The following WDR11 variants were observed in gnomAD, a reference collection of about 807,000 sequenced individuals.
The protein encoded by WDR11 is WD repeat-containing protein 11.
In WDR11, 83 loss-of-function variants were observed where a neutral mutation model predicts 151.2. The observed-to-expected ratio is 0.55, with a 90% CI of 0.46 to 0.66. The LOEUF (loss-of-function observed/expected upper bound fraction) is 0.66, where lower values mean the gene tolerates loss of function less well. Among genes scored for constraint, WDR11 ranks in the 30% least tolerant of loss-of-function variants. The probability of loss-of-function intolerance (pLI) is 0.00; values close to 1 mark genes in which losing one functional copy is unlikely to be tolerated. For missense variants in WDR11, 1,301 were observed against 1,480.9 expected (o/e 0.88, Z 1.99); for synonymous variants, 484 against 533.1 (o/e 0.91, Z 1.27).
intron 9 of WDR11, among the ~76,000 whole-genome samples, chr10:120,869,303 CGG>C (rs1349368762): frequency 2.0e-5 from 3 of 151,480 alleles, no homozygotes; most frequent in Non-Finnish European, 4.4e-5. Flanking sequence ...TTAGTAGAGA[CGG>C]GGTTTCACTG....
In WDR11 at chr10:120,909,000, ATTT is replaced by A. The variant is rs1848185073; in HGVS notation, c.*292_*294del. 2 of 387,234 alleles carry A rather than the reference ATTT, an allele frequency of 5.2e-6. No individual in the cohort carries two copies. The highest frequency in any genetic ancestry group is 9.5e-6 in the Non-Finnish European group (2 of 211,560). 24.0% of individuals were successfully genotyped at this position (387,234 alleles called of 1,614,324 possible). A position where few individuals can be genotyped will look rare whatever the true frequency, so the allele number is the denominator to read the frequency against. On this transcript the variant is annotated 3_prime_UTR_variant, in exon 29 of 29. Transcript: ENST00000263461. Reference sequence around the variant, plus strand: ...TAAGAGTCCCTGGAAATACTTTTTAATTTTTTTAACTTAAAATTCAAGAGACTG... The same window carrying A: ...TAAGAGTCCCTGGAAATACTTTTTAATTTTAACTTAAAATTCAAGAGACTG...
rs1220520075 is a variant in WDR11, at chr10:120,871,220, G to A, written c.1345G>A (p.Glu449Lys). Residue 449 changes from glutamate to lysine, a missense_variant, in exon 10 of 29, where the codon GAA becomes AAA. By Grantham distance (56) the Glu-to-Lys change is moderately conservative. Transcript: ENST00000263461. ...EEHPRGSILR[E>K]VHLKFLLTGL... is the part of the protein sequence containing the mutation. ...ACATCCCAGAGGTTCAATTCTGCGG[G>A]AAGTGCACCTCAAGTTCCTGCTGAC... is the stretch of plus-strand genomic sequence containing the variant. 4 of 1,614,008 alleles carry A rather than the reference G, an allele frequency of 2.5e-6. No individual in the cohort carries two copies. The highest frequency in any genetic ancestry group is 3.4e-6 in the Non-Finnish European group (4 of 1,180,026).
chr10:120,860,410 C>A, intron 4 of WDR11, 128 bp downstream of exon 4: 2 of 1,063,614 alleles, frequency 1.9e-6, no homozygotes, highest in Non-Finnish European at 2.8e-6. Flanking sequence ...AGTGGAGAAG[C>A]ATGTCTAGTC....
intron 11 of WDR11, among the ~76,000 whole-genome samples, chr10:120,875,617 G>A (rs1031785806): frequency 6.6e-6 from 1 of 152,106 alleles, no homozygotes; most frequent in Non-Finnish European, 1.5e-5. Flanking sequence ...TGATTCTTAT[G>A]CCTCAGCCTC....
At chr10:120,880,450 A>T in intron 12 of WDR11, 1 of 219,556 alleles carries the variant, frequency 4.6e-6, no homozygotes, top group Non-Finnish European at 9.2e-6. Flanking sequence ...ACTAGAGGTT[A>T]GGAGATCGAG....
rs1198498298 is a variant in WDR11 at position 120,893,191 on chromosome 10, T to A, written c.2515+2304T>A. Among the ~76,000 whole-genome samples the A allele has an allele frequency of 3.2e-5, 4 of 125,452 alleles. No homozygotes were observed. In the Admixed American group the frequency reaches 3.8e-4, roughly 12 times the overall value. The allele number at this position is 125,452 out of a possible 152,430, so 82.3% of individuals were successfully genotyped here. ...CCCTCCACCCCACAACAGTCCCAGG[T>A]GTGTGATGTTCCCCTTCCTGTGTCC... On this transcript the variant is annotated intron_variant, in intron 19 of 28. Transcript: ENST00000263461.
At chr10:120,908,470 C>T (rs1410434761) in intron 28 of WDR11, 86 bp from the exon 29 acceptor site, 10 of 1,433,768 alleles carry the variant, frequency 7.0e-6, no homozygotes, top group South Asian at 4.6e-5. Flanking sequence ...GCAGAGCAGA[C>T]GCGACTCACC....
chr10:120,903,437 G>A (rs1459813236), intron 23 of WDR11, among the ~76,000 whole-genome samples: 1 of 151,710 alleles, frequency 6.6e-6, no homozygotes, highest in African/African-American at 2.4e-5. Context: ...TTGAACCCAG[G>A]AGGCGGAGGT....
chr10:120,872,583 AG>A (rs1232703447), intron 10 of WDR11, among the ~76,000 whole-genome samples: 4 of 137,618 alleles, frequency 2.9e-5, no homozygotes, highest in Non-Finnish European at 6.5e-5. Context: ...AGTACCTAAA[AG>A]TTTGTCTAGA....
At chr10:120,903,392 C>T (rs1847904574) in intron 23 of WDR11, among the ~76,000 whole-genome samples, 160 bp downstream of exon 23, 1 of 151,920 alleles carries the variant, frequency 6.6e-6, no homozygotes, top group Non-Finnish European at 1.5e-5. Flanking sequence ...TGCCTGTAGT[C>T]CCAGCTACTC....
intron 20 of WDR11, among the ~76,000 whole-genome samples, chr10:120,900,691 A>T (rs1289877097): frequency 1.3e-5 from 2 of 152,188 alleles, no homozygotes; most frequent in African/African-American, 4.8e-5. Context: ...CATTCTGCAG[A>T]GCTCTAAATG....
intron 4 of WDR11, among the ~76,000 whole-genome samples, chr10:120,860,673 T>A (rs1266330079): frequency 1.3e-5 from 2 of 152,228 alleles, no homozygotes; most frequent in African/African-American, 4.8e-5. Context: ...TAAATTGTCC[T>A]AATTCACGCC....
At position 120,905,990 on chromosome 10, in the gene WDR11, T is replaced by C; in HGVS notation, c.3406T>C (p.Cys1136Arg). 6.2e-7 allele frequency: 1 copy of C among 1,614,094 alleles called. No individual in the cohort carries two copies. The highest frequency in any genetic ancestry group is 8.5e-7 in the Non-Finnish European group (1 of 1,180,040). ...TCTCCTGGTTCTCCTCTCTCTGGGC[T>C]GCTTTTTTAGCGTGGCAGAGACGCT... ...KALLVLLSLGCFFSVAETLHS... is the reference protein window; with the variant it reads ...KALLVLLSLGRFFSVAETLHS... The change falls in exon 27 of 29, where the codon TGC (cysteine) becomes CGC (arginine). Residue 1136 changes from cysteine to arginine, a missense_variant. This residue lies in a region of WDR11 where 589 missense variants were observed against 670.6 expected (regional missense o/e 0.88). Transcript: ENST00000263461.
chr10:120,854,795 T>C (rs887782052), intron 2 of WDR11, among the ~76,000 whole-genome samples: 2 of 152,228 alleles, frequency 1.3e-5, no homozygotes, highest in Admixed American at 1.3e-4. Flanking sequence ...TATATCTTCT[T>C]TGGAGAAATG....
At chr10:120,879,631 C>T (rs1230252062) in intron 12 of WDR11, 1 of 152,144 alleles carries the variant, frequency 6.6e-6, no homozygotes, top group Non-Finnish European at 1.5e-5. Context: ...TTACAGATTT[C>T]CTTAAGTGGG....
rs143689717 is a variant in WDR11 at position 120,905,387 on chromosome 10, G to T, written c.3262G>T (p.Glu1088Ter). 1 of 1,614,158 alleles carries T rather than the reference G, an allele frequency of 6.2e-7. No individual in the cohort carries two copies. The highest frequency in any genetic ancestry group is 1.7e-5 in the Admixed American group (1 of 60,008). Residue 1088 changes from glutamate (E) to a stop codon, truncating the protein, a stop_gained, in exon 26 of 29, where the codon GAG becomes TAG. Transcript: ENST00000263461. LOFTEE classifies it high-confidence loss of function. The stretch of plus-strand genomic sequence containing the variant: ...CTGCCGCTACCTGCAGACATACGGC[G>T]AGTGGAATCGGGCTGCATGGCTGGC... ...DACRYLQTYG[E>*]WNRAAWLAKV... is the part of the protein sequence containing the mutation.
Position 120,885,927 on chromosome 10 carries a change from A to T in WDR11, c.1962A>T (p.Ser654=), listed in dbSNP as rs748641070. The change falls in exon 15 of 29, where the codon TCA becomes TCT. Residue 654 remains serine (S), a synonymous_variant. Transcript: ENST00000263461. ...ACACAGAGCTGAGTATTGTTGAATC[A>T]TCTGTGATCAGGTACAGTACAGTGT... is the stretch of plus-strand genomic sequence containing the variant. The part of the protein sequence containing the change: ...VSDTELSIVE[S]SVISLLQEAE... The T allele has an allele frequency of 6.2e-7, 1 of 1,613,572 alleles. No individual in the cohort carries two copies. The highest frequency in any genetic ancestry group is 1.1e-5 in the South Asian group (1 of 91,060).
At chr10:120,855,151 C>T (rs1845904027) in intron 2 of WDR11, among the ~76,000 whole-genome samples, 1 of 152,112 alleles carries the variant, frequency 6.6e-6, no homozygotes, top group African/African-American at 2.4e-5. Context: ...AGCATTACTA[C>T]TCTTGCACTT....
rs5788450 is a variant in WDR11, at chr10:120,871,494, TA to T, written c.1471+161del. 385,641 of 487,224 alleles carry T rather than the reference TA, an allele frequency of 0.79. 142,431 individuals carry two copies. Among genetic ancestry groups the T allele is most frequent in the African/African-American group, 0.85 (43,014 of 50,504 alleles). 30.2% of individuals were successfully genotyped at this position (487,224 alleles called of 1,614,324 possible). A position where few individuals can be genotyped will look rare whatever the true frequency, so the allele number is the denominator to read the frequency against. ...AACTGTAAATACTCATCCTGGAACTTAAAAAAAAAAAAATTTCTGTCCTTTT... is the reference window on the plus strand; with the variant it reads ...AACTGTAAATACTCATCCTGGAACTTAAAAAAAAAAAATTTCTGTCCTTTT... On this transcript the variant is annotated intron_variant, in intron 10 of 28. Coordinates refer to ENST00000263461, the MANE Select transcript of WDR11 (RefSeq NM_018117.12).
Sources: allele counts gnomAD v4.1 joint callset (sites outside exome capture counted in the v4.1 genomes callset), GRCh38; gene constraint gnomAD v4.1.1; regional missense constraint gnomAD v4.1.1; transcripts MANE v1.5; gene names NCBI Gene and HGNC (gene_info 2026-07-23, HGNC 2026-07-21).